Variants in MKLN1 observed in about 807,000 individuals in gnomAD.
MKLN1 encodes muskelin.
Under a neutral mutation model 99.0 loss-of-function variants are expected in MKLN1, and 18 were observed. That is an observed-to-expected ratio of 0.18 (90% CI 0.13 to 0.27). MKLN1 has a LOEUF of 0.27. Ranked by LOEUF, MKLN1 falls within the 10% of genes least tolerant of loss-of-function variation. MKLN1 has a pLI of 1.00. For synonymous variants in MKLN1, 288 were observed against 293.2 expected, an observed-to-expected ratio of 0.98 and a Z score of 0.18; for missense variants, 621 against 875.9, an observed-to-expected ratio of 0.71 and a Z score of 3.67.
At chr7:131,258,200 T>C (rs1254271070) in intron 3 of MKLN1, among the ~76,000 whole-genome samples, 9 of 152,058 alleles carry the variant, frequency 5.9e-5, no homozygotes, top group Admixed American at 5.9e-4. Context: ...GTGTAATCTT[T>C]TAACACTCAG....
intron 17 of MKLN1, among the ~76,000 whole-genome samples, chr7:131,479,776 G>A (rs1413539040): frequency 2.8e-5 from 4 of 144,972 alleles, no homozygotes; most frequent in South Asian, 2.2e-4. Context: ...GCAGTGAGCC[G>A]AGATTGCGCC....
chr7:131,192,396 A>T (rs1367446128), intron 2 of MKLN1, among the ~76,000 whole-genome samples: 2 of 113,214 alleles, frequency 1.8e-5, no homozygotes, highest in African/African-American at 3.4e-5. Flanking sequence ...CAATATATAA[A>T]TATATAAAAT....
chr7:131,260,860 G>A (rs1797722605), intron 3 of MKLN1, among the ~76,000 whole-genome samples: 1 of 151,786 alleles, frequency 6.6e-6, no homozygotes, highest in Non-Finnish European at 1.5e-5. Context: ...ACCATCTGAT[G>A]TTTGACAAAG....
chr7:131,200,089 AC>A (rs1796705612), intron 2 of MKLN1, among the ~76,000 whole-genome samples: 1 of 151,710 alleles, frequency 6.6e-6, no homozygotes, highest in South Asian at 2.1e-4. Context: ...CAGCTCTGCA[AC>A]CTCTGCCTCC....
intron 3 of MKLN1, among the ~76,000 whole-genome samples, chr7:131,218,460 G>T (rs1797015983): frequency 6.6e-6 from 1 of 152,180 alleles, no homozygotes; most frequent in African/African-American, 2.4e-5. Flanking sequence ...CAGGAAAGAA[G>T]TATCATCGTC....
intron 2 of MKLN1, among the ~76,000 whole-genome samples, chr7:131,175,955 G>A (rs955956744): frequency 3.3e-5 from 5 of 151,842 alleles, no homozygotes; most frequent in African/African-American, 1.2e-4. Context: ...ATCTCCAAAA[G>A]CAAACGAACA....
chr7:131,392,575 T>TC (rs1794226253), intron 4 of MKLN1, among the ~76,000 whole-genome samples: 1 of 152,076 alleles, frequency 6.6e-6, no homozygotes, highest in African/African-American at 2.4e-5. Context: ...ATAGTTAATC[T>TC]TGAATTTTTA....
chr7:131,267,742 T>G (rs1797830315), intron 3 of MKLN1, among the ~76,000 whole-genome samples: 1 of 152,204 alleles, frequency 6.6e-6, no homozygotes, highest in African/African-American at 2.4e-5. Context: ...TCAGCATATC[T>G]TTATTTATTG....
chr7:131,325,905 G>T (rs868329925), upstream of MKLN1, among the ~76,000 whole-genome samples: 76 of 149,576 alleles, frequency 5.1e-4, 1 homozygote, highest in Non-Finnish European at 9.4e-4. Flanking sequence ...AAAAGTGGGG[G>T]GGGGGTGGTG....
At chr7:131,291,678 C>T (rs184788451) in intron 3 of MKLN1, among the ~76,000 whole-genome samples, 48 of 147,438 alleles carry the variant, frequency 3.3e-4, no homozygotes, top group African/African-American at 1.1e-3. Flanking sequence ...AATGATGATG[C>T]GACTTTTCCC....
At chr7:131,117,460 A>AAAC (rs1584770432) in intron 1 of MKLN1, among the ~76,000 whole-genome samples, 1 of 61,488 alleles carries the variant, frequency 1.6e-5, no homozygotes, top group East Asian at 5.3e-4. Flanking sequence ...CAACAACAAC[A>AAAC]AACAAACAAA....
chr7:131,303,864 A>AG (rs1320481546), intron 3 of MKLN1, among the ~76,000 whole-genome samples: 11 of 152,344 alleles, frequency 7.2e-5, no homozygotes, highest in Admixed American at 7.2e-4. Flanking sequence ...GGACCAAAAA[A>AG]ACTGGCCAAC....
At chr7:131,140,834 C>T (rs1174164690) in intron 1 of MKLN1, among the ~76,000 whole-genome samples, 5 of 151,636 alleles carry the variant, frequency 3.3e-5, no homozygotes, top group African/African-American at 9.7e-5. Context: ...GGCTGGAGGG[C>T]AGTGGCACGA....
chr7:131,434,891 C>G lies in MKLN1; in HGVS notation c.961-2894C>G, dbSNP rs1341561494. Among the ~76,000 whole-genome samples, 4 of 152,274 alleles carry G rather than the reference C, an allele frequency of 2.6e-5. No individual in the cohort carries two copies. The East Asian group carries it at 5.8e-4, about 22-fold the overall frequency. ...ATTTTTTAATGCCTTCCTTATTGCA[C>G]TGACTTGAACTTCCAGAGCAATGTT... On this transcript the variant is annotated intron_variant, in intron 9 of 17. Transcript: ENST00000352689.
intron 3 of MKLN1, among the ~76,000 whole-genome samples, chr7:131,294,896 C>T (rs1177443988): frequency 6.6e-6 from 1 of 152,180 alleles, no homozygotes; most frequent in Non-Finnish European, 1.5e-5. Flanking sequence ...CAAAGAAGGA[C>T]AGAGTTCCCT....
chr7:131,217,683 G>A (rs534470495), intron 3 of MKLN1, among the ~76,000 whole-genome samples: 1 of 152,344 alleles, frequency 6.6e-6, no homozygotes, highest in Admixed American at 6.5e-5. Context: ...GGGCGAAAGA[G>A]TGAAACTCTG....
At chr7:131,479,357 G>A (rs941167279) in intron 17 of MKLN1, among the ~76,000 whole-genome samples, 5 of 151,888 alleles carry the variant, frequency 3.3e-5, no homozygotes, top group East Asian at 1.9e-4. Context: ...GTAAGACCTC[G>A]TCTCTACAAA....
At chr7:131,227,483 C>CTT (rs779657686) in intron 3 of MKLN1, among the ~76,000 whole-genome samples, 998 of 89,194 alleles carry the variant, frequency 0.011, 16 homozygotes, top group African/African-American at 0.03. Context: ...TTCTCTCTTT[C>CTT]TCTCTTTCTT....
chr7:131,145,959 TATA>T (rs1033256059), intron 2 of MKLN1, among the ~76,000 whole-genome samples: 2 of 152,210 alleles, frequency 1.3e-5, no homozygotes, highest in African/African-American at 4.8e-5. Context: ...TAGATTTGTT[TATA>T]ATAGCAAACA....
Sources: allele counts gnomAD v4.1 joint callset (sites outside exome capture counted in the v4.1 genomes callset), GRCh38; gene constraint gnomAD v4.1.1; transcripts MANE v1.5; gene names NCBI Gene and HGNC (gene_info 2026-07-23, HGNC 2026-07-21).